The following CREB5 variants were observed in gnomAD, a reference collection of about 807,000 sequenced individuals.
The protein encoded by CREB5 is cAMP responsive element binding protein 5.
In CREB5, 19 loss-of-function variants were observed where a neutral mutation model predicts 57.1. That is an observed-to-expected ratio of 0.33 (90% CI 0.23 to 0.49). CREB5 has a LOEUF of 0.49. Among genes scored for constraint, CREB5 ranks in the 20% least tolerant of loss-of-function variants. CREB5 has a pLI of 0.99. For synonymous variants in CREB5, 238 were observed against 238.3 expected (o/e 1.00, Z 0.01); for missense variants, 579 against 671.6 (o/e 0.86, Z 1.52).
chr7:28,377,788 T>C (rs959968616), intron 1 of CREB5, among the ~76,000 whole-genome samples: 13 of 151,396 alleles, frequency 8.6e-5, no homozygotes, highest in Admixed American at 7.2e-4. Flanking sequence ...AAAAATTAGC[T>C]GGGCGTGGTG....
intron 5 of CREB5, among the ~76,000 whole-genome samples, chr7:28,575,466 G>A (rs1261362301): frequency 6.6e-6 from 1 of 152,210 alleles, no homozygotes. Context: ...ATATGCGTAT[G>A]AATCTATTTT....
rs888584078 is a variant in CREB5, at chr7:28,722,202, C to T, written c.592-2020C>T. Among the ~76,000 whole-genome samples the T allele has an allele frequency of 5.9e-5, 9 of 152,288 alleles. No homozygotes were observed. In the East Asian group the frequency reaches 9.6e-4, roughly 16 times the overall value. On this transcript the variant is annotated intron_variant, in intron 6 of 10. Transcript: ENST00000357727. Reference sequence around the variant, plus strand: ...TATAGCTTTTCCAAAAAGTGGGAAGCGTTGCTGACTACAATTCCAGAAGCT... The same window carrying T: ...TATAGCTTTTCCAAAAAGTGGGAAGTGTTGCTGACTACAATTCCAGAAGCT...
intron 5 of CREB5, among the ~76,000 whole-genome samples, chr7:28,587,264 G>C (rs1796337620): frequency 6.6e-6 from 1 of 152,222 alleles, no homozygotes; most frequent in South Asian, 2.1e-4. Flanking sequence ...GAAATGGTTT[G>C]CTGCTAATGA....
At position 28,819,136 on chromosome 7, in the gene CREB5, G is replaced by T; in HGVS notation, c.1384G>T (p.Ala462Ser). 6.2e-7 allele frequency: 1 copy of T among 1,613,408 alleles called. No homozygotes were observed. The highest frequency in any genetic ancestry group is 8.5e-7 in the Non-Finnish European group (1 of 1,179,686). ...CCTAGGTCCAGAGAGTAGCCCTCCT[G>T]CTAGTCCTGTCCCAGCTTGCTCCCA... ...GYLSPESSPPASPVPACSQQQ... is the reference protein window; with the variant it reads ...GYLSPESSPPSSPVPACSQQQ... Residue 462 changes from alanine to serine, a missense_variant, in exon 11 of 11, where the codon GCT becomes TCT. This residue lies in a region of CREB5 where 114 missense variants were observed against 130.8 expected (regional missense o/e 0.87). Coordinates refer to ENST00000357727, the MANE Select transcript of CREB5 (RefSeq NM_182898.4).
intron 1 of CREB5, among the ~76,000 whole-genome samples, chr7:28,486,521 G>T (rs1791550880): frequency 6.6e-6 from 1 of 150,966 alleles, no homozygotes; most frequent in Non-Finnish European, 1.5e-5. Context: ...AGAAGTAGTA[G>T]GTTTTAATTC....
chr7:28,327,630 G>C (rs1785633806), intron 1 of CREB5, among the ~76,000 whole-genome samples: 1 of 152,206 alleles, frequency 6.6e-6, no homozygotes, highest in African/African-American at 2.4e-5. Flanking sequence ...TTTGCAATCT[G>C]ATCTCTTGAG....
intron 1 of CREB5, among the ~76,000 whole-genome samples, chr7:28,372,480 A>G (rs749196398): frequency 6.6e-6 from 1 of 152,230 alleles, no homozygotes; most frequent in Non-Finnish European, 1.5e-5. Flanking sequence ...AATATATTTT[A>G]TCTCACTGAA....
chr7:28,751,005 T>A (rs967587133), intron 7 of CREB5, among the ~76,000 whole-genome samples: 2 of 152,106 alleles, frequency 1.3e-5, no homozygotes, highest in Admixed American at 1.3e-4. Context: ...AAATGAAATG[T>A]TTGATAATCT....
chr7:28,417,155 G>A (rs1185088776), intron 1 of CREB5, among the ~76,000 whole-genome samples: 3 of 152,068 alleles, frequency 2.0e-5, no homozygotes, highest in Non-Finnish European at 4.4e-5. Flanking sequence ...AGCACTGTCC[G>A]GTAGTGAGAG....
chr7:28,494,980 A>C lies in CREB5; in HGVS notation c.150A>C (p.Lys50Asn). 6.2e-7 allele frequency: 1 copy of C among 1,608,304 alleles called. No homozygotes were observed. The highest frequency in any genetic ancestry group is 8.5e-7 in the Non-Finnish European group (1 of 1,178,526). ...TGACTTTGAAGTTTCCTTCAATAAA[A>C]ACAGACAATATGTTATCAGGTAAGG... Reference protein sequence around the residue: ...HEMTLKFPSIKTDNMLSDQTP... With the variant: ...HEMTLKFPSINTDNMLSDQTP... Residue 50 changes from lysine to asparagine, a missense_variant, in exon 3 of 11, where the codon AAA becomes AAC. By Grantham distance (94) the Lys-to-Asn change is moderately conservative (BLOSUM62 0). This residue lies in a region of CREB5 where 459 missense variants were observed against 515.7 expected (regional missense o/e 0.89). Coordinates refer to ENST00000357727, the MANE Select transcript of CREB5 (RefSeq NM_182898.4).
At chr7:28,475,250 C>CTTTTTTTTTTT in intron 1 of CREB5, among the ~76,000 whole-genome samples, 1 of 59,618 alleles carries the variant, frequency 1.7e-5, no homozygotes, top group Non-Finnish European at 2.9e-5. Context: ...TCAGAAGTTT[C>CTTTTTTTTTTT]TTTTTTTTTT....
At chr7:28,301,154 C>T (rs1785092568) in intron 1 of CREB5, among the ~76,000 whole-genome samples, 1 of 152,188 alleles carries the variant, frequency 6.6e-6, no homozygotes, top group African/African-American at 2.4e-5. Flanking sequence ...CTCAAGCTTA[C>T]TTTTTGATTA....
chr7:28,724,504 G>A (rs944481976), intron 7 of CREB5, 172 bp downstream of exon 7: 35 of 587,892 alleles, frequency 6.0e-5, no homozygotes, highest in African/African-American at 4.9e-4. Flanking sequence ...ACAGAGCCTT[G>A]GTGTCAGATA....
intron 1 of CREB5, among the ~76,000 whole-genome samples, chr7:28,350,219 T>C (rs1012980730): frequency 3.3e-5 from 5 of 152,148 alleles, no homozygotes; most frequent in Non-Finnish European, 5.9e-5. Context: ...ATCTTAAAGA[T>C]AGGTCATTTT....
intron 1 of CREB5, among the ~76,000 whole-genome samples, chr7:28,432,390 G>A (rs552183119): frequency 1.3e-5 from 2 of 152,216 alleles, no homozygotes; most frequent in Non-Finnish European, 2.9e-5. Flanking sequence ...ATCTATGGCT[G>A]TCGCTCGTAC....
At chr7:28,523,700 T>C (rs1793306016) in intron 4 of CREB5, among the ~76,000 whole-genome samples, 1 of 152,242 alleles carries the variant, frequency 6.6e-6, no homozygotes, top group Non-Finnish European at 1.5e-5. Flanking sequence ...CTTGCTGTGC[T>C]TGCCCATGCA....
intron 5 of CREB5, among the ~76,000 whole-genome samples, chr7:28,705,936 T>C (rs972051593): frequency 1.3e-5 from 2 of 152,234 alleles, no homozygotes; most frequent in African/African-American, 2.4e-5. Flanking sequence ...GACATTTCAA[T>C]TGTACTTATA....
At chr7:28,408,864 G>A (rs1275736272), upstream of CREB5, among the ~76,000 whole-genome samples, 1 of 152,136 alleles carries the variant, frequency 6.6e-6, no homozygotes, top group African/African-American at 2.4e-5. Flanking sequence ...GCAAAAAGGA[G>A]CTGGACATCC....
chr7:28,530,236 AC>A (rs1793661778), intron 4 of CREB5, among the ~76,000 whole-genome samples: 1 of 151,010 alleles, frequency 6.6e-6, no homozygotes, highest in South Asian at 2.2e-4. Context: ...GATCCAACCC[AC>A]ATTGGTTTTC....
Sources: allele counts gnomAD v4.1 joint callset (sites outside exome capture counted in the v4.1 genomes callset), GRCh38; gene constraint gnomAD v4.1.1; regional missense constraint gnomAD v4.1.1; transcripts MANE v1.5; gene names NCBI Gene and HGNC (gene_info 2026-07-23, HGNC 2026-07-21).